Variants in CCDC102B observed in about 807,000 individuals in gnomAD.
The protein encoded by CCDC102B is coiled-coil domain-containing protein 102B.
A neutral mutation model predicts 57.4 loss-of-function variants in CCDC102B; 75 were observed. The ratio of observed to expected loss-of-function variants is 1.31; its 90% CI spans 1.08 to 1.58. CCDC102B has a LOEUF of 1.58. Ranked by LOEUF, CCDC102B falls within the 40% of genes most tolerant of loss-of-function variation. The probability of loss-of-function intolerance (pLI) is 0.00; values close to 1 mark genes in which losing one functional copy is unlikely to be tolerated. For missense variants in CCDC102B, 636 were observed against 582.6 expected (o/e 1.09, Z -0.94); for synonymous variants, 206 against 201.9 (o/e 1.02, Z -0.17).
chr18:68,956,334 T>TATATAATATATATATATAAA (rs1555732881), intron 6 of CCDC102B, among the ~76,000 whole-genome samples: 1 of 73,502 alleles, frequency 1.4e-5, no homozygotes, highest in East Asian at 2.7e-4. Context: ...ATATATATTA[T>TATATAATATATATATATAAA]ATATAATATA....
At chr18:69,020,379 A>G (rs1221021522) in intron 7 of CCDC102B, among the ~76,000 whole-genome samples, 1 of 152,168 alleles carries the variant, frequency 6.6e-6, no homozygotes, top group East Asian at 1.9e-4. Context: ...GGCGCACTGT[A>G]TGGTTCTAGT....
intron 6 of CCDC102B, among the ~76,000 whole-genome samples, chr18:69,009,838 C>T (rs1181654304): frequency 6.7e-6 from 1 of 148,976 alleles, no homozygotes; most frequent in Non-Finnish European, 1.5e-5. Flanking sequence ...TTTTAGGAAA[C>T]CAAAGAAATA....
intron 1 of CCDC102B, among the ~76,000 whole-genome samples, chr18:68,803,606 C>G (rs2144689909): frequency 6.6e-6 from 1 of 152,298 alleles, no homozygotes; most frequent in South Asian, 2.1e-4. Context: ...TGGCCGGCAG[C>G]TGCTGGGAAT....
At chr18:68,817,247 A>G (rs55672444) in intron 1 of CCDC102B, among the ~76,000 whole-genome samples, 63,231 of 152,124 alleles carry the variant, frequency 0.42, 14,548 homozygotes, top group East Asian at 0.86. Flanking sequence ...ATTTGAATGC[A>G]GGTTTGTTTT....
intron 5 of CCDC102B, among the ~76,000 whole-genome samples, chr18:68,881,906 T>A (rs573050552): frequency 2.0e-5 from 3 of 152,306 alleles, no homozygotes; most frequent in African/African-American, 7.2e-5. Context: ...TTGTTATAAA[T>A]TTATTTGTAC....
intron 6 of CCDC102B, among the ~76,000 whole-genome samples, chr18:68,990,776 G>A (rs908100130): frequency 2.0e-5 from 3 of 151,994 alleles, no homozygotes; most frequent in Non-Finnish European, 4.4e-5. Flanking sequence ...GAGTAATTAT[G>A]AACATAAATC....
intron 6 of CCDC102B, among the ~76,000 whole-genome samples, chr18:68,958,064 C>T (rs12956071): frequency 1.3e-5 from 2 of 151,984 alleles, no homozygotes; most frequent in Non-Finnish European, 2.9e-5. Context: ...GTCTCACATG[C>T]CAGCAGACAA....
At chr18:68,913,805 A>G (rs1239775044) in intron 6 of CCDC102B, among the ~76,000 whole-genome samples, 1 of 152,208 alleles carries the variant, frequency 6.6e-6, no homozygotes, top group South Asian at 2.1e-4. Flanking sequence ...TTCCTATTCT[A>G]TTACTCTGAA....
chr18:68,958,095 C>T lies in CCDC102B; in HGVS notation c.1264-52839C>T, dbSNP rs1018344549. Among the ~76,000 whole-genome samples, 5 of 152,194 alleles carry T rather than the reference C, an allele frequency of 3.3e-5. No homozygotes were observed. In the East Asian group the frequency reaches 5.8e-4, roughly 18 times the overall value. On this transcript the variant is annotated intron_variant, in intron 6 of 7. Transcript: ENST00000360242. ...GACAAGAGAAGAGAGCTAGTGCAGG[C>T]AAACTCAACTTTTTAAACTATCAGG... is the stretch of plus-strand genomic sequence containing the variant.
At chr18:68,750,385 C>T (rs1468308921) in intron 2 of CCDC102B, among the ~76,000 whole-genome samples, 3 of 152,108 alleles carry the variant, frequency 2.0e-5, no homozygotes, top group African/African-American at 2.4e-5. Flanking sequence ...GACAGTGTGG[C>T]GATTCCTCAA....
Position 68,897,417 on chromosome 18 carries a change from G to GA in CCDC102B, c.1259dup (p.Asn420LysfsTer13), listed in dbSNP as rs562973346. 36 of 1,609,412 alleles carry GA rather than the reference G, an allele frequency of 2.2e-5. No homozygotes were observed. In the African/African-American group the frequency reaches 2.7e-4, roughly 12 times the overall value. On this transcript the variant is annotated frameshift_variant, in exon 6 of 8. Coordinates refer to ENST00000360242, the MANE Select transcript of CCDC102B (RefSeq NM_024781.3). LOFTEE classifies it high-confidence loss of function. Reference sequence around the variant, plus strand: ...CAAGATGTCACAAATTGATCTGCAAGAAAAAAACCAGGTATGGGTGCTCCT... The same window carrying GA: ...CAAGATGTCACAAATTGATCTGCAAGAAAAAAAACCAGGTATGGGTGCTCCT...
At chr18:69,001,978 A>G (rs1238150417) in intron 6 of CCDC102B, among the ~76,000 whole-genome samples, 1 of 152,122 alleles carries the variant, frequency 6.6e-6, no homozygotes, top group African/African-American at 2.4e-5. Flanking sequence ...CCCAAGACCT[A>G]ATTATTAGAG....
Position 68,734,654 on chromosome 18 carries a change from A to G in CCDC102B, c.-67+18060A>G, listed in dbSNP as rs150864478. On this transcript the variant is annotated intron_variant, in intron 2 of 3. Transcript: ENST00000578970. Reference sequence around the variant, plus strand: ...TTGTTTATTTTTTTCATATTTTTATAAAAGTTGATATTTTTATTTTTTCTC... The same window carrying G: ...TTGTTTATTTTTTTCATATTTTTATGAAAGTTGATATTTTTATTTTTTCTC... 321 of 152,322 alleles carry G rather than the reference A, an allele frequency of 2.1e-3. 1 individual carries two copies. Among genetic ancestry groups the G allele is most frequent in the African/African-American group, 6.9e-3 (287 of 41,564 alleles). 9.4% of individuals were successfully genotyped at this position (152,322 alleles called of 1,614,324 possible). A position where few individuals can be genotyped will look rare whatever the true frequency, so the allele number is the denominator to read the frequency against.
Position 68,838,750 on chromosome 18 carries a change from G to A in CCDC102B, c.651G>A (p.Met217Ile), listed in dbSNP as rs753388927. ...VIDSLKLSEE[M>I]KPNLDGVDLF... ...ATTCTCTAAAATTAAGTGAGGAGATGAAGCCCAATCTAGATGGTGTTGATT... is the reference window on the plus strand; with the variant it reads ...ATTCTCTAAAATTAAGTGAGGAGATAAAGCCCAATCTAGATGGTGTTGATT... The change falls in exon 3 of 8, where the codon ATG becomes ATA. Residue 217 changes from methionine (M) to isoleucine (I), a missense_variant. Met to Ile is a conservative substitution (Grantham distance 10). Coordinates refer to ENST00000360242, the MANE Select transcript of CCDC102B (RefSeq NM_024781.3). The A allele has an allele frequency of 3.6e-5, 58 of 1,613,872 alleles. No individual in the cohort carries two copies. The highest frequency in any genetic ancestry group is 4.8e-5 in the Non-Finnish European group (57 of 1,179,950).
At chr18:68,916,372 C>T (rs59955534) in intron 6 of CCDC102B, among the ~76,000 whole-genome samples, 18,028 of 152,174 alleles carry the variant, frequency 0.12, 1,410 homozygotes, top group South Asian at 0.26. Flanking sequence ...CAGCTCACTC[C>T]ATGATCACTC....
intron 2 of CCDC102B, among the ~76,000 whole-genome samples, chr18:68,725,813 CTA>C (rs1378229843): frequency 4.6e-5 from 7 of 152,196 alleles, no homozygotes; most frequent in Non-Finnish European, 1.0e-4. Flanking sequence ...ACTGAGCAGA[CTA>C]TGGGAACTTG....
At chr18:69,041,535 C>T (rs777861608) in intron 7 of CCDC102B, among the ~76,000 whole-genome samples, 4 of 151,994 alleles carry the variant, frequency 2.6e-5, no homozygotes, top group South Asian at 2.1e-4. Context: ...AATGATTGGC[C>T]GGTTTAATGC....
chr18:68,850,960 G>A (rs750831363), intron 4 of CCDC102B, among the ~76,000 whole-genome samples: 9 of 151,706 alleles, frequency 5.9e-5, no homozygotes, highest in African/African-American at 1.5e-4. Context: ...AAAGCAACAC[G>A]TAATATTTTA....
At position 68,746,225 on chromosome 18, in the gene CCDC102B, G is replaced by A. The variant is rs370791157; in HGVS notation, c.-67+29631G>A. Among the ~76,000 whole-genome samples the A allele has an allele frequency of 6.6e-5, 10 of 152,238 alleles. No homozygotes were observed. The East Asian group carries it at 1.7e-3, about 26-fold the overall frequency. On this transcript the variant is annotated intron_variant, in intron 2 of 3. Transcript: ENST00000578970. ...CATTAAGAGCTTCTTTCAAAAGAGC[G>A]AAACTTTGCATAATTTCTGGGCACT...
Sources: gnomAD v4.1 joint callset for allele counts (sites outside exome capture counted in the v4.1 genomes callset) on GRCh38, gnomAD v4.1.1 for gene constraint, MANE v1.5 for transcripts, NCBI Gene and HGNC (gene_info 2026-07-23, HGNC 2026-07-21) for gene names.